Variants in GRK4 observed in about 807,000 individuals in gnomAD.
GRK4 encodes the protein G protein-coupled receptor kinase 4, also known as G protein-coupled receptor kinase 2-like.
GRK4 carries 73 observed loss-of-function variants against 77.9 expected under a neutral mutation model. The ratio of observed to expected loss-of-function variants is 0.94; its 90% CI spans 0.78 to 1.14. GRK4 has a LOEUF of 1.14. Among genes scored for constraint, GRK4 ranks in the 50% most tolerant of loss-of-function variants. The pLI, the probability that GRK4 is intolerant of heterozygous loss-of-function variation, is 0.00. For synonymous variants in GRK4, 257 were observed against 254.4 expected, an observed-to-expected ratio of 1.01 and a Z score of -0.10; for missense variants, 729 against 700.2, an observed-to-expected ratio of 1.04 and a Z score of -0.46.
chr4:3,038,550 G>GT, intron 15 of GRK4, 37 bp downstream of exon 15: 1 of 1,407,974 alleles, frequency 7.1e-7, no homozygotes, highest in Non-Finnish European at 9.6e-7. Flanking sequence ...GTGTGTGTAT[G>GT]TGAAAAAAAA....
chr4:2,984,476 C>A, intron 1 of GRK4, 37 bp from the exon 2 acceptor site: 1 of 1,128,982 alleles, frequency 8.9e-7, no homozygotes, highest in Non-Finnish European at 1.4e-6. Context: ...ATATTTCTGA[C>A]TGTTAAAGGA....
At chr4:3,035,271 T>G in intron 12 of GRK4, 115 bp from the exon 13 acceptor site, 1 of 1,029,150 alleles carries the variant, frequency 9.7e-7, no homozygotes. Context: ...AGAAATGATT[T>G]GTTAGATGCA....
chr4:3,011,802 T>G (rs1252343011), intron 7 of GRK4, among the ~76,000 whole-genome samples: 2 of 152,258 alleles, frequency 1.3e-5, no homozygotes, highest in Admixed American at 1.3e-4. Flanking sequence ...AGTAATTCTT[T>G]CGCTTATGCT....
In GRK4 at chr4:2,963,998, G is replaced by A. The variant is rs1370880659; in HGVS notation, c.-73G>A. On this transcript the variant is annotated 5_prime_UTR_variant, in exon 1 of 16. Coordinates refer to ENST00000398052, the MANE Select transcript of GRK4 (RefSeq NM_182982.3). ...CCGGCGAGCTATGCACGGGGGCGGC[G>A]GCGTCTCCTCCTGTTCCGCCTCCTC... is the stretch of plus-strand genomic sequence containing the variant. 4 of 1,364,108 alleles carry A rather than the reference G, an allele frequency of 2.9e-6. No homozygotes were observed. Among genetic ancestry groups the A allele is most frequent in the Non-Finnish European group, 4.1e-6 (4 of 969,344 alleles). The allele number at this position is 1,364,108 out of a possible 1,614,324, so 84.5% of individuals were successfully genotyped here.
intron 12 of GRK4, among the ~76,000 whole-genome samples, 196 bp downstream of exon 12, chr4:3,029,605 T>C (rs1481711834): frequency 6.7e-6 from 1 of 148,730 alleles, no homozygotes; most frequent in African/African-American, 2.5e-5. Context: ...CACCTGTGTC[T>C]TGGCCCAGCA....
rs369136736 is a variant in GRK4, at chr4:2,990,887, CACTT to C, written c.262-1324_262-1321del. On this transcript the variant is annotated intron_variant, in intron 3 of 15. Transcript: ENST00000398052. ...AATGTCTGATTGTGCCATTTTGTCACACTTACTGCTTTGACTATCCTCGTGATAG... is the reference window on the plus strand; with the variant it reads ...AATGTCTGATTGTGCCATTTTGTCACACTGCTTTGACTATCCTCGTGATAG... Among the ~76,000 whole-genome samples, 6 of 152,268 alleles carry C rather than the reference CACTT, an allele frequency of 3.9e-5. No individual in the cohort carries two copies. In the South Asian group the frequency reaches 1.0e-3, roughly 26 times the overall value.
chr4:2,987,501 A>G (rs539352575), intron 2 of GRK4, among the ~76,000 whole-genome samples: 2 of 152,324 alleles, frequency 1.3e-5, no homozygotes, highest in South Asian at 2.1e-4. Context: ...TTGCGTGGAC[A>G]TACCACATTT....
intron 6 of GRK4, among the ~76,000 whole-genome samples, chr4:3,008,043 T>A (rs1731830963): frequency 1.3e-5 from 2 of 152,130 alleles, no homozygotes; most frequent in South Asian, 4.1e-4. Context: ...AAAAGAGACC[T>A]CAATAAAAGA....
intron 1 of GRK4, 128 bp downstream of exon 1, chr4:2,964,250 C>T: frequency 1.2e-6 from 1 of 832,056 alleles, no homozygotes; most frequent in Non-Finnish European, 1.9e-6. Flanking sequence ...CCGACACCTC[C>T]CACTGGGGGA....
At position 3,038,557 on chromosome 4, in the gene GRK4, A is replaced by AC. The variant is rs759551882; in HGVS notation, c.1683+44_1683+45insC. ...TAATATATGTGTGTGTATGTGAAAA[A>AC]AAAAAAAACATACTGACTGCCAAGG... On this transcript the variant is annotated intron_variant, in intron 15 of 15. Coordinates refer to ENST00000398052, the MANE Select transcript of GRK4 (RefSeq NM_182982.3). 2.6e-6 allele frequency: 4 copies of AC among 1,560,898 alleles called. No individual in the cohort carries two copies. In the South Asian group the frequency reaches 4.8e-5, roughly 19 times the overall value.
chr4:2,999,632 C>A (rs761502577), intron 4 of GRK4, among the ~76,000 whole-genome samples: 2 of 152,096 alleles, frequency 1.3e-5, no homozygotes, highest in Non-Finnish European at 2.9e-5. Flanking sequence ...AACATTAATG[C>A]CAAATCCATC....
chr4:3,013,736 A>G lies in GRK4; in HGVS notation c.649A>G (p.Lys217Glu). The G allele has an allele frequency of 6.2e-7, 1 of 1,613,756 alleles. No individual in the cohort carries two copies. The highest frequency in any genetic ancestry group is 8.5e-7 in the Non-Finnish European group (1 of 1,179,880). The change falls in exon 8 of 16, where the codon AAG (lysine) becomes GAG (glutamate). Residue 217 changes from lysine (K) to glutamate (E), a missense_variant. Transcript: ENST00000398052. Reference sequence around the variant, plus strand: ...CACAGGAAAAATGTATGCCTGCAAAAAGCTACAAAAAAAAAGAATAAAGAA... The same window carrying G: ...CACAGGAAAAATGTATGCCTGCAAAGAGCTACAAAAAAAAAGAATAAAGAA... ...RATGKMYACK[K>E]LQKKRIKKRK...
chr4:3,021,091 C>A (rs1392448689), intron 9 of GRK4, among the ~76,000 whole-genome samples: 2 of 152,138 alleles, frequency 1.3e-5, no homozygotes, highest in South Asian at 2.1e-4. Flanking sequence ...TCCCTTGTCA[C>A]CTTGTAAGCC....
chr4:3,039,200 C>T (rs1045192717), intron 15 of GRK4, among the ~76,000 whole-genome samples: 6 of 151,532 alleles, frequency 4.0e-5, no homozygotes, highest in East Asian at 2.0e-4. Flanking sequence ...TGGGCAACAG[C>T]GCAAGACTCC....
intron 8 of GRK4, among the ~76,000 whole-genome samples, chr4:3,019,416 C>T (rs1406573520): frequency 8.5e-5 from 13 of 152,200 alleles, no homozygotes; most frequent in African/African-American, 3.1e-4. Context: ...CTTCGCTTAG[C>T]TGTAGAAAGT....
chr4:3,032,858 G>A (rs1439048774), intron 12 of GRK4, among the ~76,000 whole-genome samples: 1 of 152,234 alleles, frequency 6.6e-6, no homozygotes, highest in Non-Finnish European at 1.5e-5. Context: ...ACGTCACACA[G>A]CAACTGCTGG....
At chr4:2,996,888 C>T (rs923843661) in intron 4 of GRK4, among the ~76,000 whole-genome samples, 2 of 152,046 alleles carry the variant, frequency 1.3e-5, no homozygotes, top group Non-Finnish European at 2.9e-5. Flanking sequence ...TATTTTAAAA[C>T]AGCAAGAATA....
chr4:3,032,075 C>G (rs73792175), intron 12 of GRK4, among the ~76,000 whole-genome samples: 1 of 152,142 alleles, frequency 6.6e-6, no homozygotes, highest in African/African-American at 2.4e-5. Flanking sequence ...GTCTTCCTCC[C>G]ACAGGACACT....
At chr4:3,001,305 ATATGTGTGTGTGAG>A (rs1729709290) in intron 4 of GRK4, among the ~76,000 whole-genome samples, 1 of 145,984 alleles carries the variant, frequency 6.9e-6, no homozygotes, top group South Asian at 2.1e-4. Context: ...ATATATGTAT[ATATGTGTGTGTGAG>A]TACATATACA....
Sources: gnomAD v4.1 joint callset for allele counts (sites outside exome capture counted in the v4.1 genomes callset) on GRCh38, gnomAD v4.1.1 for gene constraint, MANE v1.5 for transcripts, NCBI Gene and HGNC (gene_info 2026-07-23, HGNC 2026-07-21) for gene names.